SGPP2: variants seen among roughly 807,000 people sequenced by gnomAD.
SGPP2 encodes the protein sphingosine 1-phosphate phosphohydrolase 2.
A neutral mutation model predicts 33.9 loss-of-function variants in SGPP2; 30 were observed. That is an observed-to-expected ratio of 0.89 (90% CI 0.66 to 1.20). SGPP2 has a LOEUF of 1.20. Ranked by LOEUF, SGPP2 falls within the 50% of genes most tolerant of loss-of-function variation. The pLI is 0.00. For missense variants in SGPP2, 458 were observed against 532.1 expected (o/e 0.86, Z 1.37); for synonymous variants, 233 against 225.0 (o/e 1.04, Z -0.32).
chr2:222,457,728 A>G (rs1230686987), intron 1 of SGPP2, among the ~76,000 whole-genome samples: 4 of 152,188 alleles, frequency 2.6e-5, no homozygotes, highest in South Asian at 2.1e-4. Flanking sequence ...GTCTGGGTCT[A>G]TGTTCCCGCA....
intron 1 of SGPP2, among the ~76,000 whole-genome samples, chr2:222,436,993 T>C (rs1697251933): frequency 6.6e-6 from 1 of 152,172 alleles, no homozygotes; most frequent in Non-Finnish European, 1.5e-5. Flanking sequence ...ACTTTGTTCA[T>C]GGGCCCATTG....
At position 222,562,145 on chromosome 2, in the gene SGPP2, A is replaced by ACCAAAGCCCCCAGGACTATCTGCCTCT. The variant is rs1439680419; in HGVS notation, c.*3251_*3277dup. 2.0e-5 allele frequency among the ~76,000 whole-genome samples: 3 copies of ACCAAAGCCCCCAGGACTATCTGCCTCT among 152,192 alleles called. No homozygotes were observed. Among genetic ancestry groups the ACCAAAGCCCCCAGGACTATCTGCCTCT allele is most frequent in the Non-Finnish European group, 4.4e-5 (3 of 68,044 alleles). On this transcript the variant is annotated 3_prime_UTR_variant, in exon 5 of 5. Coordinates refer to ENST00000321276, the MANE Select transcript of SGPP2 (RefSeq NM_152386.4). ...CAACCTTGCTTTTGGGAACTGTGACACCAAAGCCCCCAGGACTATCTGCCT... is the reference window on the plus strand; with the variant it reads ...CAACCTTGCTTTTGGGAACTGTGACACCAAAGCCCCCAGGACTATCTGCCTCTCCAAAGCCCCCAGGACTATCTGCCT...
At chr2:222,457,320 C>T (rs991736605) in intron 1 of SGPP2, among the ~76,000 whole-genome samples, 3 of 151,634 alleles carry the variant, frequency 2.0e-5, no homozygotes, top group South Asian at 2.1e-4. Context: ...TTATTATGTA[C>T]GATGTTATGA....
At chr2:222,491,636 A>C (rs1214559104) in intron 2 of SGPP2, among the ~76,000 whole-genome samples, 1 of 152,214 alleles carries the variant, frequency 6.6e-6, no homozygotes, top group East Asian at 1.9e-4. Flanking sequence ...TTATGGGGTT[A>C]CCATTTGAGA....
At chr2:222,426,170 A>T (rs1390044544) in intron 1 of SGPP2, among the ~76,000 whole-genome samples, 1 of 136,910 alleles carries the variant, frequency 7.3e-6, no homozygotes, top group African/African-American at 2.8e-5. Context: ...AGATCACGCC[A>T]CTGCACTCCA....
Position 222,516,952 on chromosome 2 carries a change from G to A in SGPP2, c.379-4815G>A, listed in dbSNP as rs1036057994. Among the ~76,000 whole-genome samples the A allele has an allele frequency of 2.6e-5, 4 of 152,136 alleles. No individual in the cohort carries two copies. In the South Asian group the frequency reaches 8.3e-4, roughly 31 times the overall value. ...ACTATTTTATTTTCATTTAGGAAAT[G>A]AGAAACTTAGCCCTTCTAGTGGATG... On this transcript the variant is annotated intron_variant, in intron 2 of 4. Coordinates refer to ENST00000321276, the MANE Select transcript of SGPP2 (RefSeq NM_152386.4).
At chr2:222,488,459 CTGA>C (rs1363307548) in intron 2 of SGPP2, among the ~76,000 whole-genome samples, 24 of 152,332 alleles carry the variant, frequency 1.6e-4, no homozygotes, top group Admixed American at 3.9e-4. Flanking sequence ...TAGCTGATGT[CTGA>C]TGATCTGAGG....
chr2:222,491,972 A>C (rs1698204029), intron 2 of SGPP2, among the ~76,000 whole-genome samples: 1 of 152,204 alleles, frequency 6.6e-6, no homozygotes, highest in Admixed American at 6.5e-5. Flanking sequence ...TGCATGTCTA[A>C]AATCCAGCAG....
Position 222,558,944 on chromosome 2 carries a change from C to T in SGPP2, c.*46C>T. 2 of 1,557,518 alleles carry T rather than the reference C, an allele frequency of 1.3e-6. No individual in the cohort carries two copies. The highest frequency in any genetic ancestry group is 1.7e-6 in the Non-Finnish European group (2 of 1,145,788). On this transcript the variant is annotated 3_prime_UTR_variant, in exon 5 of 5. Coordinates refer to ENST00000321276, the MANE Select transcript of SGPP2 (RefSeq NM_152386.4). The stretch of plus-strand genomic sequence containing the variant: ...AGCCCACTGGACATGAAAGCCAAGA[C>T]ATAGGAAAGTTATTGGTAGGCAAAT...
intron 1 of SGPP2, among the ~76,000 whole-genome samples, chr2:222,425,336 A>G: frequency 6.6e-6 from 1 of 152,136 alleles, no homozygotes; most frequent in East Asian, 1.9e-4. Context: ...CAGCTCCTAG[A>G]GAGATTTACA....
chr2:222,443,040 C>T (rs1011257612), intron 1 of SGPP2, among the ~76,000 whole-genome samples: 4 of 152,136 alleles, frequency 2.6e-5, no homozygotes, highest in South Asian at 4.1e-4. Context: ...AAAATACCCA[C>T]GCTTGAAAAT....
Position 222,465,431 on chromosome 2 carries a change from A to G in SGPP2, c.220-9137A>G, listed in dbSNP as rs1285360373. The stretch of plus-strand genomic sequence containing the variant: ...GAAAGTCTTGATTCTCTTAAAAAAA[A>G]AAAAGTGAGTAATTAAAAGTGACGG... On this transcript the variant is annotated intron_variant, in intron 1 of 4. Coordinates refer to ENST00000321276, the MANE Select transcript of SGPP2 (RefSeq NM_152386.4). This position sits in a 1 kb window ranked among gnomAD's most constrained non-coding sequence, Gnocchi z 4.1. Among the ~76,000 whole-genome samples the G allele has an allele frequency of 2.6e-5, 4 of 152,168 alleles. No homozygotes were observed. Among genetic ancestry groups the G allele is most frequent in the Admixed American group, 2.6e-4 (4 of 15,288 alleles).
At chr2:222,546,727 C>T (rs765828223) in intron 4 of SGPP2, among the ~76,000 whole-genome samples, 4 of 151,200 alleles carry the variant, frequency 2.6e-5, no homozygotes, top group Non-Finnish European at 5.9e-5. Context: ...TGCCTATTTG[C>T]GCTTATGTAT....
At chr2:222,543,309 T>C (rs748614217) in intron 4 of SGPP2, among the ~76,000 whole-genome samples, 3 of 152,238 alleles carry the variant, frequency 2.0e-5, no homozygotes, top group Non-Finnish European at 4.4e-5. Context: ...TTACCCGTTA[T>C]CCTTTAACAG....
intron 2 of SGPP2, among the ~76,000 whole-genome samples, chr2:222,493,291 G>A (rs1489317530): frequency 6.6e-6 from 1 of 152,220 alleles, no homozygotes; most frequent in East Asian, 1.9e-4. Context: ...GGGAAAGGAA[G>A]AGGCACATCT....
intron 2 of SGPP2, among the ~76,000 whole-genome samples, chr2:222,517,763 T>A (rs1256679099): frequency 6.6e-6 from 1 of 152,218 alleles, no homozygotes; most frequent in Non-Finnish European, 1.5e-5. Flanking sequence ...TGCCCGTCTG[T>A]GTGCTTCCCC....
chr2:222,542,989 C>T (rs1479090568), intron 4 of SGPP2, among the ~76,000 whole-genome samples: 1 of 152,068 alleles, frequency 6.6e-6, no homozygotes, highest in African/African-American at 2.4e-5. Context: ...TGAGGTCTCG[C>T]TATGTCACCT....
chr2:222,436,873 T>G (rs1697250219), intron 1 of SGPP2, among the ~76,000 whole-genome samples: 1 of 152,152 alleles, frequency 6.6e-6, no homozygotes. Flanking sequence ...TCAGTGTTGG[T>G]CTCTGCTGCT....
chr2:222,474,931 G>A (rs1422147814), intron 2 of SGPP2, among the ~76,000 whole-genome samples: 1 of 151,892 alleles, frequency 6.6e-6, no homozygotes, highest in Non-Finnish European at 1.5e-5. Context: ...TTGTAGAAAG[G>A]TAAGCTGGGG....
Sources: gnomAD v4.1 joint callset for allele counts (sites outside exome capture counted in the v4.1 genomes callset) on GRCh38, gnomAD v4.1.1 for gene constraint, Gnocchi (gnomAD v3.1) non-coding constraint, MANE v1.5 for transcripts, NCBI Gene and HGNC (gene_info 2026-07-23, HGNC 2026-07-21) for gene names.